TMEM178A: variants seen among roughly 807,000 people sequenced by gnomAD.
TMEM178A encodes the protein transmembrane protein 178.
Under a neutral mutation model 29.1 loss-of-function variants are expected in TMEM178A, and 12 were observed. The observed-to-expected ratio is 0.41, with a 90% CI of 0.26 to 0.67. TMEM178A has a LOEUF of 0.67. TMEM178A is among the 30% of genes least tolerant of loss of function. The pLI, the probability that TMEM178A is intolerant of heterozygous loss-of-function variation, is 0.29. For missense variants in TMEM178A, 366 were observed against 419.1 expected, an observed-to-expected ratio of 0.87 and a Z score of 1.11; for synonymous variants, 210 against 187.2, an observed-to-expected ratio of 1.12 and a Z score of -0.99.
chr2:39,730,361 C>T, the TMEM178A span, among the ~76,000 whole-genome samples: 1 of 152,182 alleles, frequency 6.6e-6, no homozygotes, highest in Non-Finnish European at 1.5e-5. Context: ...GATTCCCATA[C>T]AACTGGTGGT....
chr2:39,713,346 A>T (rs866521054), intron 3 of TMEM178A, among the ~76,000 whole-genome samples: 1 of 152,254 alleles, frequency 6.6e-6, no homozygotes, highest in African/African-American at 2.4e-5. Flanking sequence ...TATTTCATGC[A>T]TGAGTACAAA....
At chr2:39,726,994 G>A in the TMEM178A span, among the ~76,000 whole-genome samples, 13 of 152,176 alleles carry the variant, frequency 8.5e-5, no homozygotes, top group African/African-American at 3.1e-4. Context: ...AAAAAGCTGA[G>A]CTCTTCATGC....
At chr2:39,723,616 G>A in the TMEM178A span, among the ~76,000 whole-genome samples, 4,362 of 152,104 alleles carry the variant, frequency 0.029, 85 homozygotes, top group South Asian at 0.041. Context: ...CCTGGGTGAG[G>A]GACTGCCTCA....
rs1672579970 is a variant in TMEM178A, at chr2:39,717,166, C to T, written c.809C>T (p.Ala270Val). 2.5e-6 allele frequency: 4 copies of T among 1,613,256 alleles called. No homozygotes were observed. Among genetic ancestry groups the T allele is most frequent in the Non-Finnish European group, 3.4e-6 (4 of 1,179,912 alleles). The change falls in exon 4 of 4, where the codon GCA (alanine) becomes GTA (valine). Residue 270 changes from alanine (A) to valine (V), a missense_variant. By Grantham distance (64) the Ala-to-Val change is moderately conservative (BLOSUM62 0). Transcript: ENST00000281961. Reference sequence around the variant, plus strand: ...TGGTGCAGTTTAGGCTTTATTGTGGCAGCTGGAGGTCTCTGCATCGCTTAT... The same window carrying T: ...TGGTGCAGTTTAGGCTTTATTGTGGTAGCTGGAGGTCTCTGCATCGCTTAT... ...CAWCSLGFIV[A>V]AGGLCIAYPF...
intron 1 of TMEM178A, among the ~76,000 whole-genome samples, chr2:39,698,778 A>G (rs1671661785): frequency 6.6e-6 from 1 of 151,750 alleles, no homozygotes; most frequent in Admixed American, 6.6e-5. Flanking sequence ...CAGTGAAGCC[A>G]TCTGGTCATG....
intron 1 of TMEM178A, chr2:39,687,291 G>T (rs1257777358): frequency 2.4e-5 from 4 of 166,962 alleles, no homozygotes; most frequent in African/African-American, 9.7e-5. Context: ...CAGGTAGGAG[G>T]AAGTATAAGG....
intron 1 of TMEM178A, among the ~76,000 whole-genome samples, chr2:39,692,939 A>G (rs1307478048): frequency 3.3e-5 from 5 of 152,228 alleles, no homozygotes; most frequent in Admixed American, 3.3e-4. Flanking sequence ...ATTTGGAAGC[A>G]CGCAGGCTTA....
At chr2:39,666,846 G>A (rs1484656063) in intron 1 of TMEM178A, among the ~76,000 whole-genome samples, 1 of 152,230 alleles carries the variant, frequency 6.6e-6, no homozygotes, top group East Asian at 1.9e-4. Flanking sequence ...GAAAAGTGGT[G>A]CCGACCTCCG....
chr2:39,667,606 G>A (rs1276353007), intron 1 of TMEM178A, among the ~76,000 whole-genome samples: 1 of 152,128 alleles, frequency 6.6e-6, no homozygotes, highest in Non-Finnish European at 1.5e-5. Flanking sequence ...TAGAAAAGAG[G>A]GGGTTAATAA....
intron 1 of TMEM178A, among the ~76,000 whole-genome samples, chr2:39,668,048 G>A (rs1670245654): frequency 6.6e-6 from 1 of 152,200 alleles, no homozygotes; most frequent in Non-Finnish European, 1.5e-5. Flanking sequence ...TGGATATAGA[G>A]CAATGCCTGA....
At chr2:39,723,288 A>G in the TMEM178A span, among the ~76,000 whole-genome samples, 1 of 152,224 alleles carries the variant, frequency 6.6e-6, no homozygotes, top group Non-Finnish European at 1.5e-5. Flanking sequence ...TATTGCTTAA[A>G]TCTGTTAATC....
chr2:39,707,877 C>T (rs1294520701), intron 3 of TMEM178A, among the ~76,000 whole-genome samples: 2 of 152,208 alleles, frequency 1.3e-5, no homozygotes, highest in Non-Finnish European at 2.9e-5. Flanking sequence ...TCAGCACAAC[C>T]CATGCCCCGC....
At chr2:39,709,952 G>C (rs990004407) in intron 3 of TMEM178A, among the ~76,000 whole-genome samples, 5 of 152,212 alleles carry the variant, frequency 3.3e-5, no homozygotes, top group African/African-American at 1.2e-4. Context: ...CTCCTTGGGA[G>C]ACTGAGGGGC....
At chr2:39,707,215 C>G (rs1375902148) in intron 3 of TMEM178A, 29 bp downstream of exon 3, 1 of 1,586,532 alleles carries the variant, frequency 6.3e-7, no homozygotes, top group Non-Finnish European at 8.6e-7. Flanking sequence ...GCCGTCTGTC[C>G]CAGCCAAGGT....
intron 1 of TMEM178A, chr2:39,687,367 G>A (rs544515248): frequency 1.2e-4 from 20 of 167,080 alleles, no homozygotes; most frequent in Admixed American, 4.6e-4. Flanking sequence ...AGAGATTTCT[G>A]TCTGGAGATG....
chr2:39,728,245 T>C, the TMEM178A span, among the ~76,000 whole-genome samples: 2 of 152,190 alleles, frequency 1.3e-5, no homozygotes, highest in African/African-American at 2.4e-5. Flanking sequence ...TTTTAATGAT[T>C]GCCATTCTAA....
intron 3 of TMEM178A, among the ~76,000 whole-genome samples, chr2:39,715,735 C>A (rs1672507113): frequency 6.6e-6 from 1 of 152,154 alleles, no homozygotes; most frequent in Non-Finnish European, 1.5e-5. Context: ...CGGATTCAGG[C>A]AACGTGCTCT....
At chr2:39,700,228 TG>T (rs1212945535) in intron 1 of TMEM178A, among the ~76,000 whole-genome samples, 8 of 152,170 alleles carry the variant, frequency 5.3e-5, no homozygotes, top group Non-Finnish European at 1.2e-4. Context: ...TTACTATTAT[TG>T]ATCTTCTGCC....
At chr2:39,683,082 C>T (rs536828557) in intron 1 of TMEM178A, among the ~76,000 whole-genome samples, 10 of 152,304 alleles carry the variant, frequency 6.6e-5, no homozygotes, top group East Asian at 5.8e-4. Context: ...GGACTACTTG[C>T]GGTAGATTAA....
Sources: gnomAD v4.1 joint callset for allele counts (sites outside exome capture counted in the v4.1 genomes callset) on GRCh38, gnomAD v4.1.1 for gene constraint, MANE v1.5 for transcripts, NCBI Gene and HGNC (gene_info 2026-07-23, HGNC 2026-07-21) for gene names.